CNTNAP2: variants seen among roughly 807,000 people sequenced by gnomAD.
CNTNAP2 encodes contactin-associated protein-like 2.
A neutral mutation model predicts 155.2 loss-of-function variants in CNTNAP2; 98 were observed. That is an observed-to-expected ratio of 0.63 (90% CI 0.54 to 0.75). CNTNAP2 has a LOEUF of 0.75. Ranked by LOEUF, CNTNAP2 falls within the 30% of genes least tolerant of loss-of-function variation. CNTNAP2 has a pLI of 0.00. For missense variants in CNTNAP2, 1,727 were observed against 1,688.1 expected (o/e 1.02, Z -0.40); for synonymous variants, 651 against 631.2 (o/e 1.03, Z -0.47).
intron 1 of CNTNAP2, among the ~76,000 whole-genome samples, chr7:146,617,017 T>G (rs200013257): frequency 1.7e-4 from 26 of 151,392 alleles, no homozygotes; most frequent in African/African-American, 5.8e-4. Context: ...AACCTGGTTT[T>G]TTTGTTTGTT....
chr7:146,611,865 C>G (rs1004544765), intron 1 of CNTNAP2, among the ~76,000 whole-genome samples: 2 of 152,132 alleles, frequency 1.3e-5, no homozygotes, highest in Non-Finnish European at 2.9e-5. Flanking sequence ...TATGGATTGT[C>G]CACAGGCCAA....
At chr7:147,424,457 C>T (rs993539732) in intron 10 of CNTNAP2, among the ~76,000 whole-genome samples, 5 of 152,050 alleles carry the variant, frequency 3.3e-5, no homozygotes, top group Admixed American at 3.3e-4. Flanking sequence ...TAGTATTTCT[C>T]TCTCTCTCTT....
At chr7:147,174,828 AACCTT>A (rs1802304297) in intron 8 of CNTNAP2, among the ~76,000 whole-genome samples, 1 of 152,164 alleles carries the variant, frequency 6.6e-6, no homozygotes, top group African/African-American at 2.4e-5. Context: ...ATATGCTGTA[AACCTT>A]TGGAGTACTC....
At chr7:147,619,004 C>G (rs1801345146) in intron 12 of CNTNAP2, among the ~76,000 whole-genome samples, 1 of 152,256 alleles carries the variant, frequency 6.6e-6, no homozygotes, top group South Asian at 2.1e-4. Context: ...AGGAACAGGT[C>G]TCCAGAGTAT....
At chr7:148,219,474 G>T (rs1380128755) in intron 19 of CNTNAP2, among the ~76,000 whole-genome samples, 1 of 152,138 alleles carries the variant, frequency 6.6e-6, no homozygotes, top group Non-Finnish European at 1.5e-5. Flanking sequence ...CAGGAGGATT[G>T]CTTGAGACCA....
intron 1 of CNTNAP2, among the ~76,000 whole-genome samples, chr7:146,160,851 T>C (rs1265284086): frequency 1.3e-5 from 2 of 152,282 alleles, no homozygotes; most frequent in South Asian, 2.1e-4. Context: ...AATTCATTTT[T>C]TGAGGCCAAC....
intron 13 of CNTNAP2, among the ~76,000 whole-genome samples, chr7:147,820,819 A>C (rs1798349305): frequency 6.6e-6 from 1 of 152,142 alleles, no homozygotes; most frequent in African/African-American, 2.4e-5. Flanking sequence ...TGAATTGACC[A>C]TATAGCTGTG....
chr7:147,621,839 T>C (rs1268077141), intron 12 of CNTNAP2, among the ~76,000 whole-genome samples: 1 of 151,826 alleles, frequency 6.6e-6, no homozygotes, highest in Non-Finnish European at 1.5e-5. Context: ...ATACAGTAGC[T>C]GAATAGATGA....
At chr7:148,267,483 C>T (rs767384754) in intron 21 of CNTNAP2, among the ~76,000 whole-genome samples, 20 of 151,624 alleles carry the variant, frequency 1.3e-4, no homozygotes, top group Admixed American at 8.5e-4. Flanking sequence ...GGCAAAACCC[C>T]GTCTCTACTA....
At chr7:146,871,606 G>A (rs1488148769) in intron 3 of CNTNAP2, among the ~76,000 whole-genome samples, 6 of 151,750 alleles carry the variant, frequency 4.0e-5, no homozygotes, top group African/African-American at 9.7e-5. Flanking sequence ...TCAATGATAG[G>A]CTAGAAAGAG....
At chr7:147,552,182 T>C (rs1009057389) in intron 11 of CNTNAP2, among the ~76,000 whole-genome samples, 1 of 152,176 alleles carries the variant, frequency 6.6e-6, no homozygotes, top group African/African-American at 2.4e-5. Flanking sequence ...ATTTTGTTTG[T>C]TTTTTATTTG....
intron 1 of CNTNAP2, among the ~76,000 whole-genome samples, chr7:146,552,547 G>C (rs953147892): frequency 1.3e-5 from 2 of 152,056 alleles, no homozygotes; most frequent in Non-Finnish European, 2.9e-5. Flanking sequence ...CCCACAATAT[G>C]GTAGCCAGAA....
intron 1 of CNTNAP2, among the ~76,000 whole-genome samples, chr7:146,695,820 T>A (rs1800773000): frequency 6.6e-6 from 1 of 152,166 alleles, no homozygotes; most frequent in Non-Finnish European, 1.5e-5. Context: ...AATAGCTAAT[T>A]AACATATATA....
chr7:147,175,504 G>T (rs1426901872), intron 8 of CNTNAP2, among the ~76,000 whole-genome samples: 3 of 151,914 alleles, frequency 2.0e-5, no homozygotes, highest in African/African-American at 7.3e-5. Flanking sequence ...TTTATTAATT[G>T]GTTTCCCTTC....
chr7:146,139,292 G>C (rs1029039688), intron 1 of CNTNAP2, among the ~76,000 whole-genome samples: 2 of 152,086 alleles, frequency 1.3e-5, no homozygotes, highest in African/African-American at 2.4e-5. Flanking sequence ...AATATCATAA[G>C]TTGAACCCTT....
At chr7:148,103,208 T>C (rs1804140648) in intron 15 of CNTNAP2, among the ~76,000 whole-genome samples, 2 of 77,862 alleles carry the variant, frequency 2.6e-5, no homozygotes, top group Admixed American at 1.5e-4. Context: ...GTATGTAGCT[T>C]TTTTTTTTTT....
intron 4 of CNTNAP2, among the ~76,000 whole-genome samples, chr7:147,055,447 C>A (rs1288054421): frequency 1.3e-5 from 2 of 150,778 alleles, no homozygotes; most frequent in African/African-American, 5.0e-5. Context: ...TCCCACCTTG[C>A]TTTGCTTGTC....
chr7:147,146,067 A>C (rs1563092901), intron 8 of CNTNAP2, among the ~76,000 whole-genome samples: 2 of 152,190 alleles, frequency 1.3e-5, no homozygotes, highest in Non-Finnish European at 2.9e-5. Context: ...GGCAGCAGAT[A>C]ATTATCGCAC....
At position 147,048,607 on chromosome 7, in the gene CNTNAP2, T is replaced by G. The variant is rs1272865778; in HGVS notation, c.550+4553T>G. ...TCTGATAGAACTTTCTACAAAGATGTAGATGTTGTCAATATGCTCTAGCCA... is the reference window on the plus strand; with the variant it reads ...TCTGATAGAACTTTCTACAAAGATGGAGATGTTGTCAATATGCTCTAGCCA... On this transcript the variant is annotated intron_variant, in intron 4 of 23. Transcript: ENST00000361727. 3.9e-5 allele frequency among the ~76,000 whole-genome samples: 6 copies of G among 152,344 alleles called. No homozygotes were observed. The East Asian group carries it at 1.2e-3, about 29-fold the overall frequency.
Sources: gnomAD v4.1 joint callset for allele counts (sites outside exome capture counted in the v4.1 genomes callset) on GRCh38, gnomAD v4.1.1 for gene constraint, MANE v1.5 for transcripts, NCBI Gene and HGNC (gene_info 2026-07-23, HGNC 2026-07-21) for gene names.